The following SLC25A21 variants were observed in gnomAD, a reference collection of about 807,000 sequenced individuals.
SLC25A21 encodes mitochondrial 2-oxodicarboxylate carrier.
A neutral mutation model predicts 43.8 loss-of-function variants in SLC25A21; 47 were observed. The ratio of observed to expected loss-of-function variants is 1.07; its 90% CI spans 0.85 to 1.37. SLC25A21 has a LOEUF of 1.37. Ranked by LOEUF, SLC25A21 falls within the 40% of genes most tolerant of loss-of-function variation. The probability of loss-of-function intolerance (pLI) is 0.00; values close to 1 mark genes in which losing one functional copy is unlikely to be tolerated. For synonymous variants in SLC25A21, 131 were observed against 121.3 expected (o/e 1.08, Z -0.52); for missense variants, 352 against 350.2 (o/e 1.00, Z -0.04).
At chr14:36,823,836 A>C (rs1332704838) in intron 2 of SLC25A21, among the ~76,000 whole-genome samples, 2 of 152,210 alleles carry the variant, frequency 1.3e-5, no homozygotes, top group African/African-American at 2.4e-5. Flanking sequence ...TGTATTCACC[A>C]ATCTACTGCC....
At chr14:36,685,472 T>C (rs1228953712) in intron 7 of SLC25A21, among the ~76,000 whole-genome samples, 1 of 152,224 alleles carries the variant, frequency 6.6e-6, no homozygotes, top group Non-Finnish European at 1.5e-5. Context: ...GCTAGCTTCC[T>C]GTTATTAACA....
chr14:37,108,693 G>C (rs560162205), intron 1 of SLC25A21, among the ~76,000 whole-genome samples: 1 of 141,878 alleles, frequency 7.0e-6, no homozygotes, highest in South Asian at 2.4e-4. Flanking sequence ...TAAAAGATGT[G>C]AGTTTTGTTA....
chr14:37,146,085 A>G (rs1303602110), intron 1 of SLC25A21, among the ~76,000 whole-genome samples: 1 of 152,230 alleles, frequency 6.6e-6, no homozygotes, highest in African/African-American at 2.4e-5. Context: ...TTTAGGAAAT[A>G]TCTCCCTACC....
At chr14:37,171,110 A>AGGGG (rs1377957332) in intron 1 of SLC25A21, among the ~76,000 whole-genome samples, 1 of 11,036 alleles carries the variant, frequency 9.1e-5, no homozygotes, top group Non-Finnish European at 1.6e-4. Context: ...GAAAAGAAAA[A>AGGGG]GGGGGGAGGG....
chr14:37,145,124 A>C (rs894568712), intron 1 of SLC25A21, among the ~76,000 whole-genome samples: 3 of 152,090 alleles, frequency 2.0e-5, no homozygotes, highest in Non-Finnish European at 4.4e-5. Flanking sequence ...ATTGCATCCT[A>C]TCTCTATTTT....
intron 2 of SLC25A21, among the ~76,000 whole-genome samples, chr14:36,819,323 T>C (rs1367445480): frequency 6.6e-6 from 1 of 151,414 alleles, no homozygotes; most frequent in Non-Finnish European, 1.5e-5. Context: ...GGCTTTTCAA[T>C]GTTCCCAAAC....
chr14:36,887,593 G>C lies in SLC25A21; in HGVS notation c.71-12589C>G, dbSNP rs1326573803. On this transcript the variant is annotated intron_variant, in intron 1 of 9. Coordinates refer to ENST00000331299, the MANE Select transcript of SLC25A21 (RefSeq NM_030631.4). The stretch of plus-strand genomic sequence containing the variant: ...AAAAAAAAGGAAAAAAATTGTTCAT[G>C]CTGACCAGCATTTCAACATTGGAAG... Among the ~76,000 whole-genome samples the C allele has an allele frequency of 3.3e-5, 5 of 150,922 alleles. No homozygotes were observed. In the South Asian group the frequency reaches 8.3e-4, roughly 25 times the overall value.
At chr14:36,806,434 T>C (rs950975863) in intron 3 of SLC25A21, among the ~76,000 whole-genome samples, 4 of 152,150 alleles carry the variant, frequency 2.6e-5, no homozygotes, top group African/African-American at 9.7e-5. Context: ...TGTTAATTAC[T>C]TTGATTTCAT....
At chr14:36,902,690 A>C (rs1891427978) in intron 1 of SLC25A21, among the ~76,000 whole-genome samples, 1 of 152,210 alleles carries the variant, frequency 6.6e-6, no homozygotes, top group Non-Finnish European at 1.5e-5. Flanking sequence ...CTATATTCCC[A>C]AAATGTTCAA....
chr14:36,814,917 C>A (rs867774042), intron 2 of SLC25A21, among the ~76,000 whole-genome samples: 37 of 152,152 alleles, frequency 2.4e-4, no homozygotes, highest in Admixed American at 6.5e-5. Flanking sequence ...TTGGAACCAA[C>A]CCAAATGCCC....
At chr14:36,804,174 T>C (rs1887960560) in intron 3 of SLC25A21, among the ~76,000 whole-genome samples, 1 of 152,172 alleles carries the variant, frequency 6.6e-6, no homozygotes, top group African/African-American at 2.4e-5. Flanking sequence ...TCTGCTGAAG[T>C]TTTCTTGTAC....
At chr14:36,899,691 T>C (rs904844521) in intron 1 of SLC25A21, among the ~76,000 whole-genome samples, 3 of 152,196 alleles carry the variant, frequency 2.0e-5, no homozygotes, top group Non-Finnish European at 2.9e-5. Flanking sequence ...GACCATCATA[T>C]AGTTATTAAA....
chr14:37,126,151 AT>A (rs1566899640), intron 1 of SLC25A21, among the ~76,000 whole-genome samples: 1 of 152,162 alleles, frequency 6.6e-6, no homozygotes, highest in Admixed American at 6.5e-5. Context: ...CACATGTGCT[AT>A]GTGTATACCA....
intron 1 of SLC25A21, among the ~76,000 whole-genome samples, chr14:37,083,933 T>C (rs1000961628): frequency 6.6e-6 from 1 of 152,254 alleles, no homozygotes; most frequent in African/African-American, 2.4e-5. Context: ...CATTTAGCCA[T>C]CATCACCGTT....
At chr14:36,941,084 T>A (rs1892545217) in intron 1 of SLC25A21, among the ~76,000 whole-genome samples, 1 of 152,028 alleles carries the variant, frequency 6.6e-6, no homozygotes, top group Non-Finnish European at 1.5e-5. Context: ...GTCCGGAAAG[T>A]TCCTGAAATT....
intron 1 of SLC25A21, among the ~76,000 whole-genome samples, chr14:37,074,629 C>T (rs576983688): frequency 4.6e-5 from 7 of 151,978 alleles, no homozygotes; most frequent in Non-Finnish European, 7.4e-5. Context: ...GTCAGTAGTT[C>T]GAGACCAGCC....
intron 3 of SLC25A21, among the ~76,000 whole-genome samples, chr14:36,789,840 T>A (rs61599034): frequency 1.2e-5 from 1 of 84,602 alleles, no homozygotes; most frequent in Non-Finnish European, 2.3e-5. Flanking sequence ...TATTTATATT[T>A]AATATATTTT....
intron 1 of SLC25A21, among the ~76,000 whole-genome samples, chr14:37,028,800 T>C (rs1566826456): frequency 6.6e-6 from 1 of 152,164 alleles, no homozygotes; most frequent in African/African-American, 2.4e-5. Context: ...GAACATTACA[T>C]CAGAAAATTA....
rs191395352 is a variant in SLC25A21, at chr14:36,972,835, T to C, written c.71-97831A>G. Reference sequence around the variant, plus strand: ...TTTTTTGTTTGTTTGGGTTTTTTGTTGTTTGTTTGTTTTGAGACAAAGACA... The same window carrying C: ...TTTTTTGTTTGTTTGGGTTTTTTGTCGTTTGTTTGTTTTGAGACAAAGACA... On this transcript the variant is annotated intron_variant, in intron 1 of 9. Transcript: ENST00000331299. Among the ~76,000 whole-genome samples, 277 of 151,750 alleles carry C rather than the reference T, an allele frequency of 1.8e-3. 1 individual carries two copies. The highest frequency in any genetic ancestry group is 6.2e-3 in the African/African-American group (257 of 41,210).
Sources: allele counts gnomAD v4.1 joint callset (sites outside exome capture counted in the v4.1 genomes callset), GRCh38; gene constraint gnomAD v4.1.1; transcripts MANE v1.5; gene names NCBI Gene and HGNC (gene_info 2026-07-23, HGNC 2026-07-21).